Variants in MAGOH observed in about 807,000 individuals in gnomAD.
MAGOH encodes the protein protein mago nashi homolog.
MAGOH carries 3 observed loss-of-function variants against 20.9 expected under a neutral mutation model. The ratio of observed to expected loss-of-function variants is 0.14; its 90% confidence interval spans 0.07 to 0.37. MAGOH has a LOEUF of 0.37. Among genes scored for constraint, MAGOH ranks in the 10% least tolerant of loss-of-function variants. The pLI is 1.00. For synonymous variants in MAGOH, 51 were observed against 61.0 expected (o/e 0.84, Z 0.76); for missense variants, 66 against 178.1 (o/e 0.37, Z 3.58).
At chr1:53,228,980 T>A (rs1399386804) in intron 3 of MAGOH, 26 bp from the exon 4 acceptor site, 6 of 1,468,666 alleles carry the variant, frequency 4.1e-6, no homozygotes, top group Non-Finnish European at 5.7e-6. Context: ...AAAATCGAAG[T>A]CAAGTAGAAT....
At chr1:53,235,689 T>G in intron 1 of MAGOH, 54 bp from the exon 2 acceptor site, 1 of 1,434,908 alleles carries the variant, frequency 7.0e-7, no homozygotes, top group East Asian at 2.3e-5. Context: ...GAATAAAGCA[T>G]CAATACCATG....
At position 53,235,577 on chromosome 1, in the gene MAGOH, C is replaced by T; in HGVS notation, c.147G>A (p.Glu49=). 6.2e-7 allele frequency: 1 copy of T among 1,613,738 alleles called. No homozygotes were observed. The highest frequency in any genetic ancestry group is 8.5e-7 in the Non-Finnish European group (1 of 1,179,746). ...NYKNDVMIRK[E]AYVHKSVMEE... is the part of the protein sequence containing the mutation. ...CTCTCAGAAGGCAGAAGGCTCATAC[C>T]TCTTTTCTGATCATGACATCATTCT... Residue 49 remains glutamate, a splice_region_variant and synonymous_variant, in exon 2 of 5, where the codon GAG becomes GAA. Transcript: ENST00000371470.
chr1:53,228,043 A>G (rs1392691686), intron 4 of MAGOH, among the ~76,000 whole-genome samples: 1 of 152,200 alleles, frequency 6.6e-6, no homozygotes, highest in Admixed American at 6.6e-5. Context: ...TTTGTAGCAC[A>G]TAGGTTCATG....
chr1:53,238,325 G>T (rs762452534), intron 1 of MAGOH, 36 bp downstream of exon 1: 1 of 1,606,492 alleles, frequency 6.2e-7, no homozygotes, highest in African/African-American at 1.3e-5. Context: ...CCCCAGGCCT[G>T]GTCCCCGCTC....
intron 4 of MAGOH, 146 bp downstream of exon 4, chr1:53,228,726 T>G: frequency 3.0e-6 from 2 of 656,102 alleles, no homozygotes; most frequent in East Asian, 5.5e-5. Context: ...TAATTTGGGG[T>G]TCCTCCCTAA....
At chr1:53,230,265 C>G (rs968919917) in intron 3 of MAGOH, among the ~76,000 whole-genome samples, 2 of 152,048 alleles carry the variant, frequency 1.3e-5, no homozygotes, top group Non-Finnish European at 2.9e-5. Context: ...TGAGATGTTT[C>G]CAATACTCAG....
At chr1:53,236,662 T>C (rs1645611785) in intron 1 of MAGOH, among the ~76,000 whole-genome samples, 1 of 152,192 alleles carries the variant, frequency 6.6e-6, no homozygotes, top group Non-Finnish European at 1.5e-5. Flanking sequence ...CTTGGTTAGG[T>C]GCACCCTTCT....
At chr1:53,235,210 A>G (rs147523261) in intron 2 of MAGOH, among the ~76,000 whole-genome samples, 279 of 152,312 alleles carry the variant, frequency 1.8e-3, no homozygotes, top group African/African-American at 6.4e-3. Flanking sequence ...TAAATAGAAC[A>G]TATTTAATTT....
At chr1:53,227,493 T>C (rs2100300627) in intron 4 of MAGOH, among the ~76,000 whole-genome samples, 1 of 152,342 alleles carries the variant, frequency 6.6e-6, no homozygotes, top group South Asian at 2.1e-4. Context: ...CTGTATTTTC[T>C]ACAATGAGCA....
At chr1:53,228,397 A>G (rs1645570609) in intron 4 of MAGOH, among the ~76,000 whole-genome samples, 2 of 152,244 alleles carry the variant, frequency 1.3e-5, no homozygotes, top group South Asian at 4.1e-4. Context: ...GCGCCACTGC[A>G]CTCCAGTCCG....
intron 3 of MAGOH, 75 bp from the exon 4 acceptor site, chr1:53,229,029 G>C: frequency 9.8e-7 from 1 of 1,019,900 alleles, no homozygotes; most frequent in Non-Finnish European, 1.5e-6. Context: ...TTAATCATTT[G>C]CCAAATCACA....
chr1:53,238,113 C>T (rs926502620), intron 1 of MAGOH, among the ~76,000 whole-genome samples: 2 of 152,242 alleles, frequency 1.3e-5, no homozygotes, highest in African/African-American at 2.4e-5. Context: ...GGAAGTTTGT[C>T]TACCTTCGCT....
intron 3 of MAGOH, among the ~76,000 whole-genome samples, chr1:53,230,061 C>A (rs906194127): frequency 6.6e-6 from 1 of 152,212 alleles, no homozygotes; most frequent in Non-Finnish European, 1.5e-5. Context: ...AGTACCATAA[C>A]CTTCAAAAAG....
chr1:53,233,601 T>C lies in MAGOH; in HGVS notation c.199A>G (p.Ser67Gly). ...GCATCATCCTCTTTGGTAATTTCAC[T>C]GTCGTCAATTATTCTCTTCAGTTCC... ...MEELKRIIDD[S>G]EITKEDDALW... is the part of the protein sequence containing the mutation. Residue 67 changes from serine to glycine, a missense_variant, in exon 3 of 5, where the codon AGT becomes GGT. Ser to Gly is a moderately conservative substitution (Grantham distance 56). Transcript: ENST00000371470. The C allele has an allele frequency of 6.2e-7, 1 of 1,614,186 alleles. No homozygotes were observed. The highest frequency in any genetic ancestry group is 8.5e-7 in the Non-Finnish European group (1 of 1,180,020).
At position 53,238,493 on chromosome 1, in the gene MAGOH, C is replaced by G. The variant is rs201700941; in HGVS notation, c.-45G>C. 4 of 1,557,212 alleles carry G rather than the reference C, an allele frequency of 2.6e-6. 1 individual carries two copies. The South Asian group carries it at 3.3e-5, about 13-fold the overall frequency. On this transcript the variant is annotated 5_prime_UTR_variant, in exon 1 of 5. Coordinates refer to ENST00000371470, the MANE Select transcript of MAGOH (RefSeq NM_002370.4). ...AGCCTGAACTTCCAAGAGCAAGCCG[C>G]ACTGCCGCCGTCTGCGCCCGACACT... is the stretch of plus-strand genomic sequence containing the variant.
rs908613593 is a variant in MAGOH at position 53,228,958 on chromosome 1, G to T, written c.259-4C>A. The T allele has an allele frequency of 1.4e-5, 23 of 1,603,300 alleles. No homozygotes were observed. The highest frequency in any genetic ancestry group is 1.7e-5 in the Admixed American group (1 of 59,882). On this transcript the variant is annotated splice_region_variant and splice_polypyrimidine_tract_variant and intron_variant, in intron 3 of 4. Coordinates refer to ENST00000371470, the MANE Select transcript of MAGOH (RefSeq NM_002370.4). ...CTCCAATGACGATTTCAAGCTCCTA[G>T]AAACATTTTAGAAAATCGAAGTCAA...
chr1:53,233,404 T>C (rs1645595683), intron 3 of MAGOH, 138 bp downstream of exon 3: 1 of 583,358 alleles, frequency 1.7e-6, no homozygotes, highest in African/African-American at 1.8e-5. Context: ...TATGTTCTAT[T>C]TCTCTTTGTA....
chr1:53,229,221 C>T (rs1396941216), intron 3 of MAGOH, among the ~76,000 whole-genome samples: 7 of 147,820 alleles, frequency 4.7e-5, no homozygotes, highest in African/African-American at 1.7e-4. Flanking sequence ...TTTCCTGAGA[C>T]AGAGTCTCAC....
At chr1:53,238,052 T>C (rs573129834) in intron 1 of MAGOH, among the ~76,000 whole-genome samples, 14 of 152,340 alleles carry the variant, frequency 9.2e-5, no homozygotes, top group Admixed American at 8.5e-4. Context: ...TGGAATCATC[T>C]TTTTGTTTAT....
Sources: allele counts gnomAD v4.1 joint callset (sites outside exome capture counted in the v4.1 genomes callset), GRCh38; gene constraint gnomAD v4.1.1; transcripts MANE v1.5; gene names NCBI Gene and HGNC (gene_info 2026-07-23, HGNC 2026-07-21).